Variants in STAMBP observed in about 807,000 individuals in gnomAD.
The protein encoded by STAMBP is STAM-binding protein.
Under a neutral mutation model 50.7 loss-of-function variants are expected in STAMBP, and 31 were observed. That is an observed-to-expected ratio of 0.61 (90% CI 0.46 to 0.83). STAMBP has a LOEUF of 0.83. STAMBP is among the 40% of genes least tolerant of loss of function. The pLI, the probability that STAMBP is intolerant of heterozygous loss-of-function variation, is 0.00. For synonymous variants in STAMBP, 211 were observed against 192.4 expected, an observed-to-expected ratio of 1.10 and a Z score of -0.80; for missense variants, 472 against 518.9, an observed-to-expected ratio of 0.91 and a Z score of 0.88.
chr2:73,832,958 GA>G (rs1674149726), intron 2 of STAMBP, among the ~76,000 whole-genome samples: 1 of 152,182 alleles, frequency 6.6e-6, no homozygotes, highest in African/African-American at 2.4e-5. Flanking sequence ...GTTAAGAGGA[GA>G]AAACCTTAGA....
intron 7 of STAMBP, 96 bp from the exon 8 acceptor site, chr2:73,859,158 T>C (rs1446343686): frequency 4.6e-6 from 4 of 875,202 alleles, no homozygotes; most frequent in Non-Finnish European, 5.8e-6. Context: ...TTGCAGTTGA[T>C]ATGGATAGCT....
rs1298197418 is a variant in STAMBP at position 73,862,246 on chromosome 2, C to T, written c.1262C>T (p.Thr421Ile). The change falls in exon 10 of 10, where the codon ACA becomes ATA. Residue 421 changes from threonine (T) to isoleucine (I), a missense_variant. By Grantham distance (89) the Thr-to-Ile change is moderately conservative (BLOSUM62 -1). Transcript: ENST00000394070. ...GTTGTGGACAGAGCAGTGACCATCA[C>T]AGACCTTCGATGAGCGTTTGAGTCC... ...VTVVDRAVTI[T>I]DLR is the part of the protein sequence containing the mutation. The T allele has an allele frequency of 1.9e-6, 3 of 1,612,114 alleles. No homozygotes were observed. In the African/African-American group the frequency reaches 4.0e-5, roughly 22 times the overall value.
chr2:73,869,088 C>G (rs1401541387), downstream of STAMBP, among the ~76,000 whole-genome samples: 1 of 152,154 alleles, frequency 6.6e-6, no homozygotes, highest in African/African-American at 2.4e-5. Flanking sequence ...GGAAAGCAGA[C>G]AGGTTTGGGC....
intron 7 of STAMBP, among the ~76,000 whole-genome samples, chr2:73,852,243 A>C (rs1487343650): frequency 6.6e-6 from 1 of 152,170 alleles, no homozygotes; most frequent in Admixed American, 6.5e-5. Context: ...GGAAATGAGT[A>C]ATAGAGGATG....
At chr2:73,843,420 G>A (rs1036114) in intron 2 of STAMBP, among the ~76,000 whole-genome samples, 32,906 of 110,992 alleles carry the variant, frequency 0.3, 6,025 homozygotes, top group African/African-American at 0.58. Flanking sequence ...ATATATATAT[G>A]TATATATATA....
chr2:73,848,547 CCTGAGG>C (rs1676413423), intron 5 of STAMBP, among the ~76,000 whole-genome samples: 1 of 152,272 alleles, frequency 6.6e-6, no homozygotes, highest in Admixed American at 6.5e-5. Context: ...TAACAGAATA[CCTGAGG>C]CTGGATAATT....
At chr2:73,844,024 C>T (rs1036113) in intron 2 of STAMBP, among the ~76,000 whole-genome samples, 60,518 of 152,016 alleles carry the variant, frequency 0.4, 14,449 homozygotes, top group African/African-American at 0.68. Flanking sequence ...CCTGCTCATA[C>T]TGAAATTCTG....
At chr2:73,871,302 G>C (rs1679188284), downstream of STAMBP, among the ~76,000 whole-genome samples, 1 of 151,920 alleles carries the variant, frequency 6.6e-6, no homozygotes, top group Non-Finnish European at 1.5e-5. Context: ...CCAGCACTTT[G>C]GGAGGCTGAG....
intron 4 of STAMBP, among the ~76,000 whole-genome samples, chr2:73,846,503 C>G (rs1048113959): frequency 1.5e-4 from 23 of 151,804 alleles, no homozygotes; most frequent in African/African-American, 5.6e-4. Context: ...GCACGCACCT[C>G]TGGTTTCAGC....
Position 73,829,259 on chromosome 2 carries a change from G to A in STAMBP, c.-264G>A, listed in dbSNP as rs1673585321. On this transcript the variant is annotated 5_prime_UTR_variant, in exon 1 of 10. Transcript: ENST00000394070. ...TGCCTGGGGTTGGCAAGTTCGTCTT[G>A]AGTGCCTTCAAGAAGGGTTCCTCAA... 1 of 152,356 alleles carries A rather than the reference G, an allele frequency of 6.6e-6. No individual in the cohort carries two copies. Among genetic ancestry groups the A allele is most frequent in the Admixed American group, 6.5e-5 (1 of 15,280 alleles). The allele number at this position is 152,356 out of a possible 1,614,324, so 9.4% of individuals were successfully genotyped here.
intron 7 of STAMBP, among the ~76,000 whole-genome samples, chr2:73,851,450 C>G (rs1453295383): frequency 1.3e-5 from 2 of 152,094 alleles, no homozygotes. Flanking sequence ...GAGGTGCCAG[C>G]GAGGCACTGT....
intron 5 of STAMBP, 99 bp downstream of exon 5, chr2:73,847,852 T>G: frequency 6.9e-7 from 1 of 1,450,546 alleles, no homozygotes; most frequent in Non-Finnish European, 9.2e-7. Context: ...TCCCACTCAT[T>G]AAGCTTTGGT....
In STAMBP at chr2:73,829,038, A is replaced by G. The variant is rs1251182669; in HGVS notation, c.-485A>G. The G allele has an allele frequency of 6.6e-6, 1 of 152,214 alleles. No individual in the cohort carries two copies. Among genetic ancestry groups the G allele is most frequent in the Non-Finnish European group, 1.5e-5 (1 of 68,102 alleles). 9.4% of individuals were successfully genotyped at this position (152,214 alleles called of 1,614,324 possible). A position where few individuals can be genotyped will look rare whatever the true frequency, so the allele number is the denominator to read the frequency against. On this transcript the variant is annotated 5_prime_UTR_variant, in exon 1 of 10. Coordinates refer to ENST00000394070, the MANE Select transcript of STAMBP (RefSeq NM_213622.4). ...GGAACGTGGTGGGGCAGGGCCTCCGAGCGTGGTTGGACTTTGAAGGGGATC... is the reference window on the plus strand; with the variant it reads ...GGAACGTGGTGGGGCAGGGCCTCCGGGCGTGGTTGGACTTTGAAGGGGATC...
In STAMBP at chr2:73,847,647, A is replaced by G; in HGVS notation, c.636A>G (p.Thr212=). The G allele has an allele frequency of 6.2e-7, 1 of 1,614,220 alleles. No individual in the cohort carries two copies. ...CCTTAGATGTGTTCCCCACCTTAAC[A>G]GTCTCATCCATACAGCCTTCAGACT... ...KPSLDVFPTL[T]VSSIQPSDCH... is the part of the protein sequence containing the mutation. Residue 212 remains threonine (T), a synonymous_variant, in exon 5 of 10, where the codon ACA becomes ACG. Transcript: ENST00000394070.
chr2:73,868,199 TACAC>T (rs888410751), downstream of STAMBP, among the ~76,000 whole-genome samples: 1 of 150,800 alleles, frequency 6.6e-6, no homozygotes, highest in Non-Finnish European at 1.5e-5. Context: ...ATAAATTGTG[TACAC>T]ACACACACAC....
chr2:73,851,638 T>C (rs1179515399), intron 7 of STAMBP, among the ~76,000 whole-genome samples: 1 of 119,642 alleles, frequency 8.4e-6, no homozygotes, highest in Non-Finnish European at 1.6e-5. Context: ...CAGTGGTAGA[T>C]TTTTTTTTTT....
intron 2 of STAMBP, among the ~76,000 whole-genome samples, chr2:73,838,053 G>A (rs1459960252): frequency 6.6e-6 from 1 of 152,202 alleles, no homozygotes; most frequent in Non-Finnish European, 1.5e-5. Flanking sequence ...GATGTCATGG[G>A]TGATCTTCAT....
chr2:73,830,747 A>G, intron 1 of STAMBP, 98 bp from the exon 2 acceptor site: 2 of 900,776 alleles, frequency 2.2e-6, no homozygotes. Context: ...TGTTTCTCTT[A>G]TATTTTCTTC....
chr2:73,836,269 G>A (rs758674177), intron 2 of STAMBP, among the ~76,000 whole-genome samples: 12 of 152,228 alleles, frequency 7.9e-5, no homozygotes, highest in Non-Finnish European at 1.5e-4. Context: ...GCCCGTCGTC[G>A]GAACCTCCGA....
Sources: allele counts gnomAD v4.1 joint callset (sites outside exome capture counted in the v4.1 genomes callset), GRCh38; gene constraint gnomAD v4.1.1; transcripts MANE v1.5; gene names NCBI Gene and HGNC (gene_info 2026-07-23, HGNC 2026-07-21).